The following RGS20 variants were observed in gnomAD, a reference collection of about 807,000 sequenced individuals.
RGS20 encodes the protein gz-selective GTPase-activating protein.
A neutral mutation model predicts 33.6 loss-of-function variants in RGS20; 30 were observed. The ratio of observed to expected loss-of-function variants is 0.89; its 90% CI spans 0.67 to 1.21. The LOEUF (loss-of-function observed/expected upper bound fraction) is 1.21. RGS20 is among the 50% of genes most tolerant of loss of function. The pLI is 0.00. For missense variants in RGS20, 472 were observed against 502.4 expected, an observed-to-expected ratio of 0.94 and a Z score of 0.58; for synonymous variants, 208 against 197.9, an observed-to-expected ratio of 1.05 and a Z score of -0.43.
At chr8:53,947,597 T>G (rs1585955257) in intron 4 of RGS20, among the ~76,000 whole-genome samples, 1 of 115,506 alleles carries the variant, frequency 8.7e-6, no homozygotes, top group Admixed American at 9.4e-5. Context: ...ATGCTATATA[T>G]AGGATATAGT....
intron 1 of RGS20, among the ~76,000 whole-genome samples, chr8:53,868,432 TACTC>T (rs1203638142): frequency 1.3e-5 from 2 of 152,150 alleles, no homozygotes; most frequent in African/African-American, 4.8e-5. Flanking sequence ...TTCTACTACT[TACTC>T]ACGCTAACAG....
intron 2 of RGS20, among the ~76,000 whole-genome samples, chr8:53,928,547 G>C (rs1813865057): frequency 6.6e-6 from 1 of 152,146 alleles, no homozygotes; most frequent in African/African-American, 2.4e-5. Context: ...TGCTCACCAG[G>C]GCGCGGTGGC....
chr8:53,862,654 C>A (rs940001088), intron 1 of RGS20, among the ~76,000 whole-genome samples: 4 of 152,192 alleles, frequency 2.6e-5, no homozygotes, highest in African/African-American at 9.7e-5. Flanking sequence ...TAAAAATTAG[C>A]TGGGTGAGTG....
At chr8:53,908,791 G>T (rs979547088) in intron 2 of RGS20, among the ~76,000 whole-genome samples, 1 of 151,966 alleles carries the variant, frequency 6.6e-6, no homozygotes, top group Non-Finnish European at 1.5e-5. Flanking sequence ...GTGACAGGGT[G>T]AGACCCTGTC....
intron 3 of RGS20, among the ~76,000 whole-genome samples, chr8:53,943,088 T>C (rs1018130944): frequency 5.3e-5 from 8 of 152,222 alleles, no homozygotes; most frequent in Non-Finnish European, 8.8e-5. Flanking sequence ...AAAATATGTT[T>C]ATGAATATAA....
intron 4 of RGS20, among the ~76,000 whole-genome samples, chr8:53,949,232 A>C (rs532915000): frequency 6.9e-6 from 1 of 144,590 alleles, no homozygotes; most frequent in Non-Finnish European, 1.5e-5. Flanking sequence ...TATATATACT[A>C]TATATAAGAT....
intron 1 of RGS20, among the ~76,000 whole-genome samples, chr8:53,860,322 T>C (rs145189053): frequency 3.0e-4 from 46 of 152,384 alleles, no homozygotes; most frequent in African/African-American, 1.1e-3. Flanking sequence ...AAGACTATAT[T>C]TGGCTTATAT....
At chr8:53,907,320 C>T (rs1164869730) in intron 2 of RGS20, among the ~76,000 whole-genome samples, 1 of 152,100 alleles carries the variant, frequency 6.6e-6, no homozygotes, top group Non-Finnish European at 1.5e-5. Flanking sequence ...GGCGCGGTGG[C>T]TCACGCCTGT....
intron 1 of RGS20, among the ~76,000 whole-genome samples, chr8:53,853,607 A>C (rs1250177956): frequency 6.6e-6 from 1 of 152,242 alleles, no homozygotes; most frequent in Non-Finnish European, 1.5e-5. Context: ...CATGTGCCTC[A>C]TCTAGCAAAT....
At chr8:53,887,916 T>A (rs1385845767) in intron 2 of RGS20, among the ~76,000 whole-genome samples, 1 of 151,744 alleles carries the variant, frequency 6.6e-6, no homozygotes, top group Non-Finnish European at 1.5e-5. Flanking sequence ...GACACTGAGG[T>A]TGCAGTGGGC....
At chr8:53,854,742 A>G (rs1273149684) in intron 1 of RGS20, among the ~76,000 whole-genome samples, 1 of 152,220 alleles carries the variant, frequency 6.6e-6, no homozygotes, top group Non-Finnish European at 1.5e-5. Context: ...TACAACTGCC[A>G]TATGGTCTAG....
At chr8:53,921,291 A>G (rs553848261) in intron 2 of RGS20, among the ~76,000 whole-genome samples, 2 of 152,156 alleles carry the variant, frequency 1.3e-5, no homozygotes, top group Non-Finnish European at 2.9e-5. Flanking sequence ...TTGGTATCAG[A>G]GTAATACTGG....
chr8:53,934,147 C>T (rs1814059818), intron 2 of RGS20, among the ~76,000 whole-genome samples: 1 of 152,162 alleles, frequency 6.6e-6, no homozygotes, highest in Non-Finnish European at 1.5e-5. Context: ...TCAGCCACTA[C>T]AAAAATGTAC....
intron 2 of RGS20, among the ~76,000 whole-genome samples, chr8:53,894,012 T>C (rs1164788421): frequency 6.6e-6 from 1 of 152,224 alleles, no homozygotes; most frequent in African/African-American, 2.4e-5. Flanking sequence ...AAATACTAAC[T>C]TAGGTAGATA....
At position 53,958,695 on chromosome 8, in the gene RGS20, T is replaced by C. The variant is rs1313409365; in HGVS notation, c.*237T>C. 8.8e-6 allele frequency: 2 copies of C among 227,112 alleles called. No individual in the cohort carries two copies. The highest frequency in any genetic ancestry group is 1.8e-4 in the East Asian group (2 of 11,260). The allele number at this position is 227,112 out of a possible 1,614,324, so 14.1% of individuals were successfully genotyped here. On this transcript the variant is annotated 3_prime_UTR_variant, in exon 6 of 6. Transcript: ENST00000297313. ...ATGGCTGTTGTAGAAAGATAGCGTA[T>C]TTGCATTTACAATAACAGTAGCATG...
chr8:53,868,164 T>A (rs1381312507), intron 1 of RGS20, among the ~76,000 whole-genome samples: 1 of 152,144 alleles, frequency 6.6e-6, no homozygotes, highest in Non-Finnish European at 1.5e-5. Context: ...CTTGGAAATA[T>A]GGGATTAGTA....
chr8:53,903,700 C>G (rs889287156), intron 2 of RGS20, among the ~76,000 whole-genome samples: 1 of 152,156 alleles, frequency 6.6e-6, no homozygotes, highest in African/African-American at 2.4e-5. Flanking sequence ...AGGTATTTCC[C>G]AAGAAAAGCA....
chr8:53,879,049 C>T (rs1000273034), intron 1 of RGS20, among the ~76,000 whole-genome samples: 9 of 152,070 alleles, frequency 5.9e-5, no homozygotes, highest in Non-Finnish European at 1.2e-4. Flanking sequence ...AGCTGCTGGC[C>T]TACGGACCAC....
chr8:53,935,410 T>G (rs1227433681), intron 2 of RGS20, among the ~76,000 whole-genome samples: 2 of 152,034 alleles, frequency 1.3e-5, no homozygotes, highest in Middle Eastern at 3.2e-3. Context: ...CAATAAAAAA[T>G]TATAAAGCAG....
Sources: allele counts gnomAD v4.1 joint callset (sites outside exome capture counted in the v4.1 genomes callset), GRCh38; gene constraint gnomAD v4.1.1; transcripts MANE v1.5; gene names NCBI Gene and HGNC (gene_info 2026-07-23, HGNC 2026-07-21).